Variants in SIPA1L3 observed in about 807,000 individuals in gnomAD.
SIPA1L3 encodes the protein signal induced proliferation associated 1 like 3, also known as signal-induced proliferation-associated 1-like protein 3.
Under a neutral mutation model 150.1 loss-of-function variants are expected in SIPA1L3, and 59 were observed. The ratio of observed to expected loss-of-function variants is 0.39; its 90% CI spans 0.32 to 0.49. The LOEUF is 0.49. Among genes scored for constraint, SIPA1L3 ranks in the 20% least tolerant of loss-of-function variants. The probability of loss-of-function intolerance (pLI) is 0.86; values close to 1 mark genes in which losing one functional copy is unlikely to be tolerated. For missense variants in SIPA1L3, 2,211 were observed against 2,489.5 expected (o/e 0.89, Z 2.38); for synonymous variants, 1,070 against 1,077.6 (o/e 0.99, Z 0.14).
intron 2 of SIPA1L3, among the ~76,000 whole-genome samples, chr19:38,051,272 A>G (rs917221982): frequency 6.6e-6 from 1 of 152,192 alleles, no homozygotes; most frequent in Non-Finnish European, 1.5e-5. Context: ...AGCATGTTAA[A>G]TGTACCCTCT....
rs1358086471 is a variant in SIPA1L3, at chr19:38,154,370, A to G, written c.3661+1403A>G. ...CTTGTGCCTGTCTTTTGATGAACAT[A>G]GGTTCACATTTCTGTAGGGTATACA... On this transcript the variant is annotated intron_variant, in intron 13 of 21. Coordinates refer to ENST00000222345, the MANE Select transcript of SIPA1L3 (RefSeq NM_015073.3). Among the ~76,000 whole-genome samples the G allele has an allele frequency of 2.0e-5, 3 of 152,340 alleles. No individual in the cohort carries two copies. In the East Asian group the frequency reaches 5.8e-4, roughly 29 times the overall value.
intron 14 of SIPA1L3, among the ~76,000 whole-genome samples, chr19:38,163,926 GGTGCAGA>G (rs1260057232): frequency 1.3e-5 from 2 of 152,150 alleles, no homozygotes; most frequent in African/African-American, 4.8e-5. Context: ...GGGGGATGAG[GGTGCAGA>G]GAGACCAGGG....
At chr19:38,070,191 CCTAT>C (rs10546386) in intron 2 of SIPA1L3, among the ~76,000 whole-genome samples, 52,413 of 148,594 alleles carry the variant, frequency 0.35, 9,643 homozygotes, top group East Asian at 0.65. Context: ...GATCTTCAGT[CCTAT>C]CTATCTATCT....
In SIPA1L3 at chr19:38,182,486, G is replaced by T. The variant is rs566076769; in HGVS notation, c.4209-33G>T. On this transcript the variant is annotated intron_variant, in intron 15 of 21. Transcript: ENST00000222345. The stretch of plus-strand genomic sequence containing the variant: ...TCTTGCCAAATGTGGAATGGATTTG[G>T]TTTTTTTTATCTCTTTCATTTTTGC... 632 of 1,521,646 alleles carry T rather than the reference G, an allele frequency of 4.2e-4. 6 individuals are homozygous for T. In the African/African-American group the frequency reaches 7.7e-3, roughly 18 times the overall value. The allele number at this position is 1,521,646 out of a possible 1,614,324, so 94.3% of individuals were successfully genotyped here. A position where few individuals can be genotyped will look rare whatever the true frequency, so the allele number is the denominator to read the frequency against.
At chr19:38,024,714 C>CT (rs1355409721) in intron 1 of SIPA1L3, among the ~76,000 whole-genome samples, 6 of 152,090 alleles carry the variant, frequency 3.9e-5, no homozygotes, top group Admixed American at 1.3e-4. Flanking sequence ...GTATTTTGTG[C>CT]TTTTTTTCCT....
chr19:38,002,717 CAAAAAAAAA>C (rs55737969), intron 1 of SIPA1L3, among the ~76,000 whole-genome samples: 24 of 61,422 alleles, frequency 3.9e-4, no homozygotes, highest in African/African-American at 1.3e-3. Flanking sequence ...GACTCCATCT[CAAAAAAAAA>C]AAAAAAAAAA....
At chr19:38,096,215 G>A (rs1970377656) in intron 4 of SIPA1L3, among the ~76,000 whole-genome samples, 1 of 152,144 alleles carries the variant, frequency 6.6e-6, no homozygotes, top group African/African-American at 2.4e-5. Flanking sequence ...ACTTAGGCAA[G>A]CATGTTTTTG....
At chr19:38,027,701 T>A (rs1016626787) in intron 1 of SIPA1L3, among the ~76,000 whole-genome samples, 2 of 148,058 alleles carry the variant, frequency 1.4e-5, no homozygotes, top group African/African-American at 2.5e-5. Context: ...TTTTTTTTTT[T>A]AAACAGGGTC....
At chr19:37,929,966 C>T (rs9304572) in intron 1 of SIPA1L3, among the ~76,000 whole-genome samples, 44,145 of 151,300 alleles carry the variant, frequency 0.29, 7,752 homozygotes, top group East Asian at 0.6. Context: ...TCAAGCAATC[C>T]TCCCGCCTCA....
At chr19:38,088,100 C>T (rs1970176809) in intron 3 of SIPA1L3, among the ~76,000 whole-genome samples, 1 of 152,230 alleles carries the variant, frequency 6.6e-6, no homozygotes, top group African/African-American at 2.4e-5. Flanking sequence ...CTATCGTGGT[C>T]CCTGACAGGC....
intron 1 of SIPA1L3, among the ~76,000 whole-genome samples, chr19:38,028,838 GC>G (rs1041652651): frequency 2.0e-5 from 3 of 151,826 alleles, no homozygotes; most frequent in African/African-American, 7.3e-5. Flanking sequence ...CATGACAGGC[GC>G]CCACCACCAC....
intron 1 of SIPA1L3, among the ~76,000 whole-genome samples, chr19:38,023,944 C>G (rs1418342317): frequency 6.6e-6 from 1 of 152,126 alleles, no homozygotes; most frequent in Non-Finnish European, 1.5e-5. Context: ...AATCTGCCCA[C>G]TTGGAAGCAG....
At position 38,204,226 on chromosome 19, in the gene SIPA1L3, G is replaced by A. The variant is rs1339376270; in HGVS notation, c.5202+18G>A. 6 of 1,547,442 alleles carry A rather than the reference G, an allele frequency of 3.9e-6. No individual in the cohort carries two copies. Among genetic ancestry groups the A allele is most frequent in the Non-Finnish European group, 3.5e-6 (4 of 1,144,550 alleles). On this transcript the variant is annotated intron_variant, in intron 21 of 21. Transcript: ENST00000222345. ...TGCAGAAGGTAAGGCCGGGGGCCAC[G>A]CCCTCTCCATCCCACTTCCCAGACA...
chr19:38,128,368 CA>C (rs1177526955), intron 9 of SIPA1L3, among the ~76,000 whole-genome samples: 6 of 152,104 alleles, frequency 3.9e-5, no homozygotes, highest in African/African-American at 1.4e-4. Flanking sequence ...CCCCACTTTC[CA>C]AATTCTCGCC....
At chr19:38,056,719 TG>T (rs1466752760) in intron 2 of SIPA1L3, among the ~76,000 whole-genome samples, 3 of 152,186 alleles carry the variant, frequency 2.0e-5, no homozygotes, top group Non-Finnish European at 4.4e-5. Flanking sequence ...AAAACTTGTT[TG>T]GTTTTTTTTC....
At chr19:38,019,846 G>T (rs781157872) in intron 1 of SIPA1L3, among the ~76,000 whole-genome samples, 1 of 152,162 alleles carries the variant, frequency 6.6e-6, no homozygotes, top group African/African-American at 2.4e-5. Context: ...TCAGCATTTT[G>T]TGAGGCTGAG....
chr19:38,076,161 ATAAG>A (rs1472423084), intron 2 of SIPA1L3, among the ~76,000 whole-genome samples: 1 of 151,956 alleles, frequency 6.6e-6, no homozygotes, highest in African/African-American at 2.4e-5. Context: ...ATAATAATAA[ATAAG>A]TAAATACATA....
chr19:37,931,576 G>A (rs2046554149), intron 1 of SIPA1L3, among the ~76,000 whole-genome samples: 1 of 149,492 alleles, frequency 6.7e-6, no homozygotes, highest in African/African-American at 2.4e-5. Context: ...TTGAAACTCC[G>A]TCTTTAATAA....
At chr19:38,020,700 A>G (rs1029997460) in intron 1 of SIPA1L3, among the ~76,000 whole-genome samples, 1 of 152,204 alleles carries the variant, frequency 6.6e-6, no homozygotes, top group Non-Finnish European at 1.5e-5. Flanking sequence ...TTCTCTCTTC[A>G]GGTCCCCAAG....
Sources: gnomAD v4.1 joint callset for allele counts (sites outside exome capture counted in the v4.1 genomes callset) on GRCh38, gnomAD v4.1.1 for gene constraint, MANE v1.5 for transcripts, NCBI Gene and HGNC (gene_info 2026-07-23, HGNC 2026-07-21) for gene names.